The following CELF2 variants were observed in gnomAD, a reference collection of about 807,000 sequenced individuals.
The protein encoded by CELF2 is CUGBP Elav-like family member 2.
In CELF2, 8 loss-of-function variants were observed where a neutral mutation model predicts 62.6. That is an observed-to-expected ratio of 0.13 (90% confidence interval 0.07 to 0.23). CELF2 has a LOEUF of 0.23. Ranked by LOEUF, CELF2 falls within the 10% of genes least tolerant of loss-of-function variation. The pLI is 1.00. For synonymous variants in CELF2, 258 were observed against 250.0 expected, an observed-to-expected ratio of 1.03 and a Z score of -0.30; for missense variants, 333 against 671.0, an observed-to-expected ratio of 0.50 and a Z score of 5.56.
the CELF2 span, among the ~76,000 whole-genome samples, chr10:10,609,542 A>G: frequency 6.6e-6 from 1 of 152,224 alleles, no homozygotes; most frequent in African/African-American, 2.4e-5. Context: ...GCAAATGTGA[A>G]GGATAAGAGG....
At chr10:10,536,309 T>C in the CELF2 span, among the ~76,000 whole-genome samples, 11 of 152,198 alleles carry the variant, frequency 7.2e-5, no homozygotes, top group Admixed American at 4.6e-4. Flanking sequence ...TGAGCCACCA[T>C]GCCCAGACAG....
At chr10:11,018,607 C>T (rs2057734668) in intron 1 of CELF2, among the ~76,000 whole-genome samples, 1 of 106,656 alleles carries the variant, frequency 9.4e-6, no homozygotes, top group Non-Finnish European at 1.9e-5. Context: ...CGCGGAGTCC[C>T]GGGGTCCGGT....
chr10:10,501,453 G>A, the CELF2 span, among the ~76,000 whole-genome samples: 6 of 151,802 alleles, frequency 4.0e-5, no homozygotes, highest in African/African-American at 1.4e-4. Flanking sequence ...ATTAGATTTT[G>A]TTTTTTTGTA....
At chr10:11,024,144 G>A (rs1199941894) in intron 1 of CELF2, among the ~76,000 whole-genome samples, 2 of 152,264 alleles carry the variant, frequency 1.3e-5, no homozygotes, top group African/African-American at 4.8e-5. Context: ...TTAAGGTTGG[G>A]TTTTAAATGA....
At chr10:10,521,503 A>C in the CELF2 span, among the ~76,000 whole-genome samples, 1 of 152,182 alleles carries the variant, frequency 6.6e-6, no homozygotes, top group South Asian at 2.1e-4. Flanking sequence ...TCCCTCCTCC[A>C]TGTCATGCAC....
At chr10:10,683,887 G>A in the CELF2 span, among the ~76,000 whole-genome samples, 5 of 152,098 alleles carry the variant, frequency 3.3e-5, no homozygotes, top group African/African-American at 4.8e-5. Context: ...GGCAAAAGTC[G>A]TCAGGCAAGA....
chr10:11,262,243 C>G (rs978216392), intron 5 of CELF2, among the ~76,000 whole-genome samples: 1 of 152,116 alleles, frequency 6.6e-6, no homozygotes, highest in African/African-American at 2.4e-5. Context: ...TTTGTCATAT[C>G]TGATCAGAAT....
intron 2 of CELF2, among the ~76,000 whole-genome samples, chr10:11,182,820 C>G (rs1199048726): frequency 2.6e-5 from 4 of 152,152 alleles, no homozygotes; most frequent in Non-Finnish European, 5.9e-5. Context: ...CTCAGAAGCT[C>G]GGCATTATTC....
the CELF2 span, among the ~76,000 whole-genome samples, chr10:10,620,797 C>A: frequency 3.2e-5 from 4 of 126,098 alleles, no homozygotes; most frequent in Admixed American, 3.0e-4. Context: ...GTAGTCCCAG[C>A]GTCCCAGCTA....
At chr10:10,463,641 T>G in the CELF2 span, among the ~76,000 whole-genome samples, 1 of 152,164 alleles carries the variant, frequency 6.6e-6, no homozygotes. Context: ...TGTCAAACTT[T>G]GAGCTTATCC....
chr10:11,045,318 G>A (rs549017055), intron 1 of CELF2, among the ~76,000 whole-genome samples: 1 of 152,198 alleles, frequency 6.6e-6, no homozygotes, highest in African/African-American at 2.4e-5. Context: ...GCTCATGCTG[G>A]TCTAGAACTC....
chr10:10,495,446 G>A, the CELF2 span, among the ~76,000 whole-genome samples: 1 of 152,164 alleles, frequency 6.6e-6, no homozygotes, highest in Non-Finnish European at 1.5e-5. Context: ...TTTAGACATT[G>A]CCCCTTTACT....
In CELF2 at chr10:10,933,379, C is replaced by T. The variant is rs568942119; in HGVS notation, c.89+13380C>T. On this transcript the variant is annotated intron_variant, in intron 2 of 13. Transcript: ENST00000636488. The stretch of plus-strand genomic sequence containing the variant: ...TATTTCTATACCTGAATACATTGTG[C>T]AAAAATCAAATCAGGGTATTTAGCA... Among the ~76,000 whole-genome samples, 25 of 152,240 alleles carry T rather than the reference C, an allele frequency of 1.6e-4. No individual in the cohort carries two copies. The South Asian group carries it at 2.3e-3, about 14-fold the overall frequency.
At chr10:10,799,189 G>A (rs1175857561) in intron 1 of CELF2, among the ~76,000 whole-genome samples, 3 of 152,166 alleles carry the variant, frequency 2.0e-5, no homozygotes, top group African/African-American at 7.2e-5. Flanking sequence ...AGATAGAAGA[G>A]CGAAATTTGG....
chr10:11,148,983 A>G (rs1364059353), intron 1 of CELF2, among the ~76,000 whole-genome samples: 2 of 152,112 alleles, frequency 1.3e-5, no homozygotes, highest in East Asian at 3.8e-4. Context: ...GCTGGAATGC[A>G]TTTGTCCTGA....
At chr10:10,790,872 T>A in the CELF2 span, among the ~76,000 whole-genome samples, 5 of 152,144 alleles carry the variant, frequency 3.3e-5, 1 homozygote, top group Admixed American at 3.3e-4. Flanking sequence ...GCCCTTTCTG[T>A]AAGGAATTCA....
chr10:11,195,169 C>A (rs1219032379), intron 2 of CELF2, among the ~76,000 whole-genome samples: 1 of 152,216 alleles, frequency 6.6e-6, no homozygotes, highest in East Asian at 1.9e-4. Flanking sequence ...GATAATATTT[C>A]TCCTTCTGTT....
At chr10:10,540,713 C>T in the CELF2 span, among the ~76,000 whole-genome samples, 1 of 152,000 alleles carries the variant, frequency 6.6e-6, no homozygotes, top group African/African-American at 2.4e-5. Context: ...AAGGGAGGTC[C>T]CATCTACTTC....
At chr10:11,310,881 A>G (rs2094527352) in intron 9 of CELF2, among the ~76,000 whole-genome samples, 1 of 152,086 alleles carries the variant, frequency 6.6e-6, no homozygotes, top group South Asian at 2.1e-4. Context: ...ATAACTACTC[A>G]ATTAGCAAAG....
Sources: allele counts gnomAD v4.1 joint callset (sites outside exome capture counted in the v4.1 genomes callset), GRCh38; gene constraint gnomAD v4.1.1; transcripts MANE v1.5; gene names NCBI Gene and HGNC (gene_info 2026-07-23, HGNC 2026-07-21).